C8orf34: variants seen among roughly 807,000 people sequenced by gnomAD.
The protein encoded by C8orf34 is chromosome 8 open reading frame 34, also known as uncharacterized protein C8orf34.
A neutral mutation model predicts 68.3 loss-of-function variants in C8orf34; 65 were observed. The observed-to-expected ratio is 0.95, with a 90% CI of 0.78 to 1.17. C8orf34 has a LOEUF of 1.17. C8orf34 is among the 50% of genes most tolerant of loss of function. The pLI is 0.00. For synonymous variants in C8orf34, 244 were observed against 241.2 expected, an observed-to-expected ratio of 1.01 and a Z score of -0.11; for missense variants, 664 against 655.4, an observed-to-expected ratio of 1.01 and a Z score of -0.14.
At chr8:68,793,412 A>C (rs1238778106) in intron 12 of C8orf34, among the ~76,000 whole-genome samples, 1 of 152,228 alleles carries the variant, frequency 6.6e-6, no homozygotes, top group East Asian at 1.9e-4. Flanking sequence ...AGGATTTTCA[A>C]GTATTAAAAA....
chr8:68,733,269 C>T (rs1007172882), intron 10 of C8orf34, among the ~76,000 whole-genome samples: 4 of 152,136 alleles, frequency 2.6e-5, no homozygotes, highest in East Asian at 1.9e-4. Context: ...CCAACTTATA[C>T]ATGAGAAAAC....
chr8:68,334,046 AT>A (rs1311269203), intron 1 of C8orf34, among the ~76,000 whole-genome samples: 4 of 152,196 alleles, frequency 2.6e-5, no homozygotes, highest in Admixed American at 6.5e-5. Context: ...GATATTGAGA[AT>A]ACTTGATCCT....
At chr8:68,389,732 T>TA (rs1278049435) in intron 1 of C8orf34, among the ~76,000 whole-genome samples, 1 of 152,168 alleles carries the variant, frequency 6.6e-6, no homozygotes, top group Non-Finnish European at 1.5e-5. Context: ...TGCGAGCAAA[T>TA]AAAAGAAGGT....
intron 1 of C8orf34, among the ~76,000 whole-genome samples, chr8:68,393,159 C>G (rs907398197): frequency 6.6e-6 from 1 of 152,062 alleles, no homozygotes; most frequent in Non-Finnish European, 1.5e-5. Context: ...TTGGTCAAGT[C>G]TAGATGGTCT....
chr8:68,349,408 T>G (rs906409461), intron 1 of C8orf34, among the ~76,000 whole-genome samples: 29 of 152,222 alleles, frequency 1.9e-4, no homozygotes, highest in Middle Eastern at 3.4e-3. Flanking sequence ...GCACTGATAT[T>G]CATCAAGGAT....
At chr8:68,609,668 T>G (rs1348628080) in intron 7 of C8orf34, among the ~76,000 whole-genome samples, 1 of 152,076 alleles carries the variant, frequency 6.6e-6, no homozygotes, top group East Asian at 1.9e-4. Flanking sequence ...ATAGAAAAAT[T>G]GATAGTGGGT....
chr8:68,563,961 C>G (rs995551704), intron 7 of C8orf34, among the ~76,000 whole-genome samples: 2 of 152,100 alleles, frequency 1.3e-5, no homozygotes, highest in Non-Finnish European at 2.9e-5. Context: ...GCACAATATT[C>G]AGTATGACTG....
chr8:68,813,835 T>C (rs1006559380), intron 12 of C8orf34, among the ~76,000 whole-genome samples: 2 of 152,192 alleles, frequency 1.3e-5, no homozygotes, highest in African/African-American at 2.4e-5. Flanking sequence ...ACTATTTTCA[T>C]CAGAAAATTT....
intron 8 of C8orf34, among the ~76,000 whole-genome samples, chr8:68,698,204 C>A (rs1482839206): frequency 6.6e-6 from 1 of 152,012 alleles, no homozygotes; most frequent in African/African-American, 2.4e-5. Context: ...ACAGATAGAA[C>A]CCTACTAAAA....
At chr8:68,331,992 G>C (rs1805631060) in intron 1 of C8orf34, among the ~76,000 whole-genome samples, 2 of 150,920 alleles carry the variant, frequency 1.3e-5, no homozygotes, top group South Asian at 4.2e-4. Context: ...CCTTTGCACT[G>C]CAGACCCCAC....
chr8:68,675,605 A>C (rs72666777), intron 8 of C8orf34, among the ~76,000 whole-genome samples: 1,844 of 152,138 alleles, frequency 0.012, 9 homozygotes, highest in Non-Finnish European at 0.017. Context: ...AAAAGCAAGA[A>C]ATAAAACATA....
At chr8:68,675,682 C>T (rs1820165017) in intron 8 of C8orf34, among the ~76,000 whole-genome samples, 1 of 151,452 alleles carries the variant, frequency 6.6e-6, no homozygotes, top group Non-Finnish European at 1.5e-5. Flanking sequence ...GAAAGAAACA[C>T]ACAAAATACC....
chr8:68,737,317 C>G (rs1822149276), intron 10 of C8orf34, among the ~76,000 whole-genome samples: 1 of 152,074 alleles, frequency 6.6e-6, no homozygotes, highest in Non-Finnish European at 1.5e-5. Flanking sequence ...ATCACTTGTT[C>G]TTTTATGCAA....
intron 7 of C8orf34, among the ~76,000 whole-genome samples, chr8:68,622,444 C>T (rs544137851): frequency 1.1e-4 from 17 of 151,620 alleles, no homozygotes; most frequent in South Asian, 4.2e-4. Flanking sequence ...TGACATATGA[C>T]GCTCTTAAAG....
chr8:68,550,789 T>C (rs2130048855), intron 7 of C8orf34, among the ~76,000 whole-genome samples: 1 of 151,718 alleles, frequency 6.6e-6, no homozygotes, highest in Admixed American at 6.6e-5. Flanking sequence ...TTTTTCCCCC[T>C]CAGTGCTTTA....
At chr8:68,684,794 A>C (rs1434935) in intron 8 of C8orf34, among the ~76,000 whole-genome samples, 30 of 151,632 alleles carry the variant, frequency 2.0e-4, no homozygotes, top group Non-Finnish European at 3.8e-4. Flanking sequence ...TTAAAAAAAA[A>C]ATATTTTTTT....
chr8:68,552,854 C>A (rs1425536566), intron 7 of C8orf34, among the ~76,000 whole-genome samples: 1 of 150,528 alleles, frequency 6.6e-6, no homozygotes, highest in East Asian at 1.9e-4. Context: ...AATATGGTAT[C>A]TTGTATTAAT....
rs567993051 is a variant in C8orf34, at chr8:68,655,058, T to C, written c.1241+14547T>C. Among the ~76,000 whole-genome samples the C allele has an allele frequency of 2.6e-5, 4 of 152,258 alleles. No individual in the cohort carries two copies. The South Asian group carries it at 6.2e-4, about 24-fold the overall frequency. On this transcript the variant is annotated intron_variant, in intron 8 of 13. Coordinates refer to ENST00000518698, the MANE Select transcript of C8orf34 (RefSeq NM_052958.4). Reference sequence around the variant, plus strand: ...TTCTAGAGGCTTTAATAAAAATCACTGGCGTTTATTTACATTTAATACCCA... The same window carrying C: ...TTCTAGAGGCTTTAATAAAAATCACCGGCGTTTATTTACATTTAATACCCA...
intron 5 of C8orf34, among the ~76,000 whole-genome samples, chr8:68,499,865 G>A (rs1813690132): frequency 6.6e-6 from 1 of 152,176 alleles, no homozygotes; most frequent in Admixed American, 6.5e-5. Flanking sequence ...CCCCAGTGTT[G>A]GAGGTGGGGC....
Sources: gnomAD v4.1 joint callset for allele counts (sites outside exome capture counted in the v4.1 genomes callset) on GRCh38, gnomAD v4.1.1 for gene constraint, MANE v1.5 for transcripts, NCBI Gene and HGNC (gene_info 2026-07-23, HGNC 2026-07-21) for gene names.